Variants in DIAPH2 observed in about 807,000 individuals in gnomAD.
DIAPH2 encodes protein diaphanous homolog 2.
Under a neutral mutation model 92.7 loss-of-function variants are expected in DIAPH2, and 35 were observed. That is an observed-to-expected ratio of 0.38 (90% CI 0.29 to 0.50). DIAPH2 has a LOEUF of 0.50. Among genes scored for constraint, DIAPH2 ranks in the 20% least tolerant of loss-of-function variants. The pLI is 0.94. For missense variants in DIAPH2, 701 were observed against 819.5 expected, an observed-to-expected ratio of 0.86 and a Z score of 1.77; for synonymous variants, 301 against 280.4, an observed-to-expected ratio of 1.07 and a Z score of -0.73.
At chrX:96,801,812 C>T (rs888015971) in intron 4 of DIAPH2, among the ~76,000 whole-genome samples, 1 of 111,401 alleles carries the variant, frequency 9.0e-6, no homozygotes, top group African/African-American at 3.3e-5. Flanking sequence ...GAAATAAAAT[C>T]TCCCCACCCT....
intron 23 of DIAPH2, among the ~76,000 whole-genome samples, chrX:97,336,175 TATTA>T (rs2069056773): frequency 9.0e-6 from 1 of 110,994 alleles, no homozygotes; most frequent in Admixed American, 9.7e-5. Context: ...CCCACAAGTC[TATTA>T]AGTCTCCCAA....
intron 22 of DIAPH2, among the ~76,000 whole-genome samples, chrX:97,210,961 A>C (rs2147505000): frequency 8.9e-6 from 1 of 112,234 alleles, no homozygotes; most frequent in Admixed American, 9.5e-5. Context: ...TGGCAAAGGA[A>C]ATGGACATGA....
intron 26 of DIAPH2, chrX:97,528,626 C>T (rs1476485056): frequency 8.9e-6 from 1 of 111,892 alleles, no homozygotes; most frequent in Non-Finnish European, 1.9e-5. Context: ...AGGAGGACAT[C>T]AAGTCATTCA....
chrX:96,721,776 A>G (rs1489323551), intron 1 of DIAPH2, among the ~76,000 whole-genome samples: 1 of 111,752 alleles, frequency 8.9e-6, no homozygotes, highest in Non-Finnish European at 1.9e-5. Context: ...CATACAGGAC[A>G]GAGAACATTA....
chrX:96,999,243 G>A (rs764184735), intron 17 of DIAPH2, among the ~76,000 whole-genome samples: 6 of 110,759 alleles, frequency 5.4e-5, no homozygotes, highest in Non-Finnish European at 9.4e-5. Context: ...GGCTGGGCAC[G>A]GTGGCTCACA....
In DIAPH2 at chrX:97,368,364, C is replaced by T. The variant is rs1039096578; in HGVS notation, c.3010-15545C>T. On this transcript the variant is annotated intron_variant, in intron 24 of 26. Coordinates refer to ENST00000324765, the MANE Select transcript of DIAPH2 (RefSeq NM_006729.5). ...TGTTCATGGTTTGGCATTTCCCAAA[C>T]GTTCAGCACTTCTTTTATTCTTCAT... Among the ~76,000 whole-genome samples, 22 of 111,855 alleles carry T rather than the reference C, an allele frequency of 2.0e-4. 1 individual carries two copies. The highest frequency in any genetic ancestry group is 3.0e-4 in the Non-Finnish European group (16 of 53,193).
intron 1 of DIAPH2, among the ~76,000 whole-genome samples, chrX:96,711,650 T>C (rs73250717): frequency 0.056 from 6,236 of 111,606 alleles, 193 homozygotes; most frequent in Middle Eastern, 0.15. Flanking sequence ...AGATTGCTGG[T>C]ACAAAATGAT....
chrX:97,072,998 T>G lies in DIAPH2; in HGVS notation c.2108T>G (p.Val703Gly), dbSNP rs770388853. Residue 703 changes from valine (V) to glycine (G), a missense_variant, in exon 18 of 27, where the codon GTG (valine) becomes GGG (glycine). Around this residue, in one of 3 missense-constraint regions of DIAPH2, gnomAD observed 536 missense variants for 599.3 expected, o/e 0.89. Transcript: ENST00000324765. ...EKKTGPTKKK[V>G]KELRILDPKT... Reference sequence around the variant, plus strand: ...AAGACTGGGCCTACAAAGAAGAAAGTGAAAGAACTGAGAATTTTGGATCCC... The same window carrying G: ...AAGACTGGGCCTACAAAGAAGAAAGGGAAAGAACTGAGAATTTTGGATCCC... The G allele has an allele frequency of 2.2e-5, 27 of 1,202,268 alleles. No homozygotes were observed. Among genetic ancestry groups the G allele is most frequent in the Non-Finnish European group, 3.0e-5 (27 of 892,264 alleles).
At chrX:97,387,053 TG>T (rs2147735663) in intron 25 of DIAPH2, among the ~76,000 whole-genome samples, 1 of 111,598 alleles carries the variant, frequency 9.0e-6, no homozygotes, top group Admixed American at 9.6e-5. Context: ...TGTTTTGTTT[TG>T]TTTTTTTGTT....
chrX:97,331,032 A>G (rs1229961124), intron 23 of DIAPH2, among the ~76,000 whole-genome samples: 1 of 110,991 alleles, frequency 9.0e-6, no homozygotes, highest in Admixed American at 9.7e-5. Flanking sequence ...ATTGAAATAT[A>G]TATGGTTCCT....
chrX:96,918,084 A>G (rs1569426869), intron 8 of DIAPH2, among the ~76,000 whole-genome samples: 1 of 111,345 alleles, frequency 9.0e-6, no homozygotes, highest in Non-Finnish European at 1.9e-5. Flanking sequence ...AGAGCTATCA[A>G]TATTTGCCTT....
Position 97,099,754 on chromosome X carries a change from G to A in DIAPH2, c.2308G>A (p.Glu770Lys). ...CAACGAATTAGCAGAGCTTAAGAAT[G>A]AATATGATGACCTCTGTGAGCCTGA... ...ILNELAELKNEYDDLCEPEQF... is the reference protein window; with the variant it reads ...ILNELAELKNKYDDLCEPEQF... The change falls in exon 20 of 27, where the codon GAA (glutamate) becomes AAA (lysine). Residue 770 changes from glutamate to lysine, a missense_variant. Around this residue, in one of 3 missense-constraint regions of DIAPH2, gnomAD observed 536 missense variants for 599.3 expected, o/e 0.89. Coordinates refer to ENST00000324765, the MANE Select transcript of DIAPH2 (RefSeq NM_006729.5). 1 of 1,182,257 alleles carries A rather than the reference G, an allele frequency of 8.5e-7. No individual in the cohort carries two copies. Among genetic ancestry groups the A allele is most frequent in the Non-Finnish European group, 1.1e-6 (1 of 881,779 alleles).
At chrX:97,530,661 G>A (rs2066508495) in intron 26 of DIAPH2, among the ~76,000 whole-genome samples, 1 of 111,617 alleles carries the variant, frequency 9.0e-6, no homozygotes, top group South Asian at 3.8e-4. Flanking sequence ...GGAAAAATCA[G>A]ACAATAGAAA....
At chrX:97,039,197 A>G (rs1229280345) in intron 17 of DIAPH2, among the ~76,000 whole-genome samples, 1 of 111,371 alleles carries the variant, frequency 9.0e-6, no homozygotes, top group East Asian at 2.8e-4. Flanking sequence ...GCTTTATTAC[A>G]TATTGACCAT....
At chrX:97,100,630 C>A (rs886557287) in intron 20 of DIAPH2, among the ~76,000 whole-genome samples, 1 of 111,622 alleles carries the variant, frequency 9.0e-6, no homozygotes, top group African/African-American at 3.3e-5. Context: ...TTATGGTCAC[C>A]AACTTTACCC....
intron 9 of DIAPH2, among the ~76,000 whole-genome samples, chrX:96,929,836 A>T (rs1232524112): frequency 9.0e-6 from 1 of 110,675 alleles, no homozygotes; most frequent in Non-Finnish European, 1.9e-5. Flanking sequence ...AATAAATTTA[A>T]ATGGCATCTT....
At chrX:97,113,955 A>C (rs1305426369) in intron 20 of DIAPH2, among the ~76,000 whole-genome samples, 1 of 111,856 alleles carries the variant, frequency 8.9e-6, no homozygotes, top group Admixed American at 9.5e-5. Context: ...GAGCTATAGG[A>C]AATTAAAAAC....
At position 96,881,657 on chromosome X, in the gene DIAPH2, G is replaced by T; in HGVS notation, c.526G>T (p.Asp176Tyr). 2 of 1,208,354 alleles carry T rather than the reference G, an allele frequency of 1.7e-6. No homozygotes were observed. The highest frequency in any genetic ancestry group is 2.2e-6 in the Non-Finnish European group (2 of 893,270). The change falls in exon 5 of 27, where the codon GAT becomes TAT. Residue 176 changes from aspartate (D) to tyrosine (Y), a missense_variant. Asp to Tyr is a radical substitution (Grantham distance 160, BLOSUM62 -3). Transcript: ENST00000324765. ...YVHELRSGISDEKLLNCLESL... is the reference protein window; with the variant it reads ...YVHELRSGISYEKLLNCLESL... ...TCATGAATTACGATCGGGTATATCAGATGAGAAACTTCTTAATTGCCTAGA... is the reference window on the plus strand; with the variant it reads ...TCATGAATTACGATCGGGTATATCATATGAGAAACTTCTTAATTGCCTAGA...
chrX:97,042,444 A>G (rs1220422447), intron 17 of DIAPH2, among the ~76,000 whole-genome samples: 1 of 111,960 alleles, frequency 8.9e-6, no homozygotes, highest in Non-Finnish European at 1.9e-5. Flanking sequence ...AATAAAATCC[A>G]GAAAATAGAT....
Sources: gnomAD v4.1 joint callset for allele counts (sites outside exome capture counted in the v4.1 genomes callset) on GRCh38, gnomAD v4.1.1 for gene constraint, gnomAD v4.1.1 regional missense constraint, MANE v1.5 for transcripts, NCBI Gene and HGNC (gene_info 2026-07-23, HGNC 2026-07-21) for gene names.